The following TRPM1 variants were observed in gnomAD, a reference collection of about 807,000 sequenced individuals.
TRPM1 encodes the protein TRPM1-203 APA Isoform, Intron 10.
A neutral mutation model predicts 149.4 loss-of-function variants in TRPM1; 113 were observed. The ratio of observed to expected loss-of-function variants is 0.76; its 90% CI spans 0.65 to 0.88. The LOEUF (loss-of-function observed/expected upper bound fraction) is 0.88. Ranked by LOEUF, TRPM1 falls within the 40% of genes least tolerant of loss-of-function variation. The pLI, the probability that TRPM1 is intolerant of heterozygous loss-of-function variation, is 0.00. For missense variants in TRPM1, 1,976 were observed against 2,038.7 expected (o/e 0.97, Z 0.59); for synonymous variants, 741 against 759.5 (o/e 0.98, Z 0.40).
chr15:31,013,549 G>C (rs1274439801), intron 27 of TRPM1, among the ~76,000 whole-genome samples: 1 of 152,072 alleles, frequency 6.6e-6, no homozygotes. Flanking sequence ...CTAAGGGATG[G>C]TTTTTAAGAT....
chr15:31,046,279 C>G, intron 15 of TRPM1, 46 bp from the exon 16 acceptor site: 1 of 1,576,850 alleles, frequency 6.3e-7, no homozygotes, highest in South Asian at 1.1e-5. Context: ...ACTTAGATAA[C>G]TAATGTTAGT....
chr15:31,068,744 CAA>C (rs60411633), intron 4 of TRPM1, among the ~76,000 whole-genome samples: 21,342 of 58,632 alleles, frequency 0.36, 1,618 homozygotes, highest in East Asian at 0.6. Context: ...AACTCCAACT[CAA>C]AAAAAAAAAA....
chr15:31,101,971 C>A (rs192830484), upstream of TRPM1, among the ~76,000 whole-genome samples: 402 of 152,344 alleles, frequency 2.6e-3, 6 homozygotes, highest in Admixed American at 8.2e-3. Flanking sequence ...CGCCATGGCC[C>A]CCTCCCACCC....
chr15:31,078,561 C>T (rs2034773029), intron 2 of TRPM1, among the ~76,000 whole-genome samples: 1 of 152,354 alleles, frequency 6.6e-6, no homozygotes, highest in East Asian at 1.9e-4. Flanking sequence ...AACAACATCG[C>T]TGGCCTCAGA....
At chr15:31,076,640 C>A (rs946647308) in intron 3 of TRPM1, among the ~76,000 whole-genome samples, 1 of 152,152 alleles carries the variant, frequency 6.6e-6, no homozygotes, top group African/African-American at 2.4e-5. Flanking sequence ...ACTCCTTGAT[C>A]TTGCTGAGAC....
chr15:31,115,212 C>T (rs923521545), intron 1 of TRPM1, among the ~76,000 whole-genome samples: 2 of 152,016 alleles, frequency 1.3e-5, no homozygotes, highest in African/African-American at 4.8e-5. Flanking sequence ...GAGCCAAGAT[C>T]GCGCCACTGC....
intron 27 of TRPM1, among the ~76,000 whole-genome samples, chr15:31,024,452 G>C (rs1171130086): frequency 6.6e-6 from 1 of 152,186 alleles, no homozygotes; most frequent in Non-Finnish European, 1.5e-5. Flanking sequence ...ACAAGGCCAA[G>C]GGAAATGGAG....
chr15:31,071,107 C>T (rs557912341), intron 3 of TRPM1, among the ~76,000 whole-genome samples: 26 of 152,340 alleles, frequency 1.7e-4, no homozygotes, highest in African/African-American at 6.0e-4. Context: ...TTTGTGCCAG[C>T]TTCTTTTCCT....
intron 27 of TRPM1, among the ~76,000 whole-genome samples, chr15:31,011,746 C>T (rs1320208743): frequency 2.0e-5 from 3 of 150,776 alleles, no homozygotes; most frequent in African/African-American, 7.4e-5. Flanking sequence ...CTCACTGCAA[C>T]CTCTGCCTCC....
At chr15:31,048,265 G>GAATC (rs1567017991) in intron 13 of TRPM1, among the ~76,000 whole-genome samples, 1 of 151,888 alleles carries the variant, frequency 6.6e-6, no homozygotes, top group African/African-American at 2.4e-5. Context: ...GTCTAAGAAT[G>GAATC]AATAAATAAA....
At chr15:31,146,573 T>C (rs1365553278) in intron 1 of TRPM1, among the ~76,000 whole-genome samples, 1 of 152,244 alleles carries the variant, frequency 6.6e-6, no homozygotes, top group African/African-American at 2.4e-5. Context: ...TCAGTCAGCA[T>C]GATAATGAAG....
chr15:31,036,094 A>G (rs2033354326), intron 20 of TRPM1: 3 of 323,446 alleles, frequency 9.3e-6, no homozygotes, highest in South Asian at 7.9e-5. Flanking sequence ...CTGGGAAGTT[A>G]GATGAGAGGA....
At chr15:31,129,358 A>T (rs947327053) in intron 1 of TRPM1, among the ~76,000 whole-genome samples, 2 of 151,960 alleles carry the variant, frequency 1.3e-5, no homozygotes, top group African/African-American at 4.8e-5. Flanking sequence ...GGCCCTTTCC[A>T]CTTTGGGTCA....
intron 1 of TRPM1, among the ~76,000 whole-genome samples, chr15:31,134,675 T>C (rs2141046259): frequency 6.6e-6 from 1 of 152,346 alleles, no homozygotes; most frequent in African/African-American, 2.4e-5. Flanking sequence ...TATTTAAACC[T>C]GAAGTCTAAG....
intron 10 of TRPM1, 96 bp downstream of exon 10, chr15:31,061,346 G>T: frequency 8.0e-7 from 1 of 1,252,006 alleles, no homozygotes; most frequent in Non-Finnish European, 1.2e-6. Context: ...TCAGGGTCTA[G>T]CACCAGCAGA....
intron 15 of TRPM1, 100 bp downstream of exon 15, chr15:31,047,011 C>G (rs1283774398): frequency 1.3e-6 from 2 of 1,522,530 alleles, no homozygotes; most frequent in Non-Finnish European, 9.1e-7. Flanking sequence ...GGGGACAGGG[C>G]GAAGGGCTTG....
chr15:31,007,116 T>C (rs2032018614), intron 27 of TRPM1, among the ~76,000 whole-genome samples: 1 of 152,226 alleles, frequency 6.6e-6, no homozygotes, highest in South Asian at 2.1e-4. Flanking sequence ...TCTTATGTTT[T>C]CTTCCAAACA....
chr15:31,026,929 C>T lies in TRPM1; in HGVS notation c.3482G>A (p.Arg1161Gln). ...CCTGCACATACTCAATCCACGATCC[C>T]GTTCCTCTTGGTCCCCTTCTCTCTT... ...RKKREGDQEERDRGLKLFLSD... is the reference protein window; with the variant it reads ...RKKREGDQEEQDRGLKLFLSD... Residue 1161 changes from arginine (R) to glutamine (Q), a missense_variant, in exon 26 of 28, where the codon CGG (arginine) becomes CAG (glutamine). Physicochemically the swap from Arg to Gln is conservative, Grantham distance 43. Coordinates refer to ENST00000256552, the MANE Select transcript of TRPM1 (RefSeq NM_001252024.2). 6.2e-7 allele frequency: 1 copy of T among 1,613,900 alleles called. No homozygotes were observed. Among genetic ancestry groups the T allele is most frequent in the Non-Finnish European group, 8.5e-7 (1 of 1,179,974 alleles).
At chr15:31,092,391 G>A (rs1029099277) in intron 1 of TRPM1, among the ~76,000 whole-genome samples, 3 of 152,182 alleles carry the variant, frequency 2.0e-5, no homozygotes, top group Admixed American at 1.3e-4. Context: ...GGCTCTGGGA[G>A]GCGAGTGGCA....
Sources: gnomAD v4.1 joint callset for allele counts (sites outside exome capture counted in the v4.1 genomes callset) on GRCh38, gnomAD v4.1.1 for gene constraint, MANE v1.5 for transcripts, NCBI Gene and HGNC (gene_info 2026-07-23, HGNC 2026-07-21) for gene names.